The following ST3GAL1 variants were observed in gnomAD, a reference collection of about 807,000 sequenced individuals.
ST3GAL1 encodes the protein CMP-N-acetylneuraminate-beta-galactosamide-alpha-2,3-sialyltransferase 1.
A neutral mutation model predicts 34.1 loss-of-function variants in ST3GAL1; 16 were observed. That is an observed-to-expected ratio of 0.47 (90% CI 0.32 to 0.71). The LOEUF is 0.71. Ranked by LOEUF, ST3GAL1 falls within the 30% of genes least tolerant of loss-of-function variation. The pLI, the probability that ST3GAL1 is intolerant of heterozygous loss-of-function variation, is 0.04. For missense variants in ST3GAL1, 353 were observed against 447.4 expected (o/e 0.79, Z 1.90); for synonymous variants, 191 against 184.7 (o/e 1.03, Z -0.28).
chr8:133,517,779 C>T (rs1450348823), intron 2 of ST3GAL1, among the ~76,000 whole-genome samples: 1 of 152,354 alleles, frequency 6.6e-6, no homozygotes, highest in African/African-American at 2.4e-5. Context: ...AAAACAATTG[C>T]CCCACAGGCA....
chr8:133,474,351 C>G (rs1011399285), intron 5 of ST3GAL1, among the ~76,000 whole-genome samples: 1 of 152,232 alleles, frequency 6.6e-6, no homozygotes, highest in Admixed American at 6.5e-5. Context: ...AAAGGAAAGA[C>G]TCTATCTTTT....
chr8:133,535,088 A>G (rs533933644), intron 2 of ST3GAL1, among the ~76,000 whole-genome samples: 2 of 152,314 alleles, frequency 1.3e-5, no homozygotes, highest in African/African-American at 4.8e-5. Flanking sequence ...CGGGAGGAGG[A>G]GTCCCGGAAG....
intron 1 of ST3GAL1, among the ~76,000 whole-genome samples, chr8:133,558,979 G>A (rs1386150460): frequency 1.3e-5 from 2 of 151,974 alleles, no homozygotes; most frequent in Non-Finnish European, 2.9e-5. Flanking sequence ...CCAAAAAGCT[G>A]TGCATATCAG....
intron 2 of ST3GAL1, among the ~76,000 whole-genome samples, chr8:133,518,846 A>G (rs1817718823): frequency 1.3e-5 from 2 of 152,124 alleles, no homozygotes; most frequent in South Asian, 4.1e-4. Context: ...AGGCTCAGAG[A>G]GATTAAGGCC....
rs187221674 is a variant in ST3GAL1 at position 133,466,192 on chromosome 8, G to A, written c.307-102C>T. 5.7e-6 allele frequency: 7 copies of A among 1,225,610 alleles called. No homozygotes were observed. Among genetic ancestry groups the A allele is most frequent in the Non-Finnish European group, 7.9e-6 (7 of 885,416 alleles). The allele number at this position is 1,225,610 out of a possible 1,614,324, so 75.9% of individuals were successfully genotyped here. A position where few individuals can be genotyped will look rare whatever the true frequency, so the allele number is the denominator to read the frequency against. ...TGCTGTCGTTTACTGGGGCCCTCCT[G>A]TTCACCCTTCTCTCTGCTGGGCCCC... On this transcript the variant is annotated intron_variant, in intron 5 of 9. Transcript: ENST00000522652. The surrounding 1 kb of genome is among the most constrained non-coding windows in gnomAD (Gnocchi z 4.4).
chr8:133,478,703 C>T (rs1816272272), intron 3 of ST3GAL1, among the ~76,000 whole-genome samples: 1 of 152,194 alleles, frequency 6.6e-6, no homozygotes, highest in African/African-American at 2.4e-5. Context: ...CTGGTGCTGA[C>T]TCCTGGAGGA....
intron 3 of ST3GAL1, among the ~76,000 whole-genome samples, chr8:133,484,831 C>A (rs980557718): frequency 6.6e-6 from 1 of 152,164 alleles, no homozygotes; most frequent in African/African-American, 2.4e-5. Flanking sequence ...GTACTCCTGG[C>A]CTGATACCGC....
chr8:133,510,881 A>C (rs371300982), intron 2 of ST3GAL1, among the ~76,000 whole-genome samples: 172 of 152,290 alleles, frequency 1.1e-3, no homozygotes, highest in African/African-American at 3.5e-3. Flanking sequence ...ATCACAGGGG[A>C]AGGACAGGGA....
At chr8:133,519,939 G>C (rs191950429) in intron 2 of ST3GAL1, among the ~76,000 whole-genome samples, 228 of 152,298 alleles carry the variant, frequency 1.5e-3, no homozygotes, top group Non-Finnish European at 2.7e-3. Context: ...GAAAGAGTGA[G>C]ACTCTGTCTC....
intron 2 of ST3GAL1, among the ~76,000 whole-genome samples, chr8:133,513,797 G>T (rs1218362335): frequency 6.6e-6 from 1 of 152,096 alleles, no homozygotes; most frequent in Non-Finnish European, 1.5e-5. Context: ...TACTTGGGGG[G>T]CTGAGGGAGG....
intron 1 of ST3GAL1, among the ~76,000 whole-genome samples, chr8:133,562,209 CTTTTTT>C (rs35234056): frequency 1.8e-5 from 2 of 113,272 alleles, no homozygotes. Context: ...GAATCCACAT[CTTTTTT>C]TTTTTTTTTT....
rs201726358 is a variant in ST3GAL1, at chr8:133,540,920, CATATATATATAG to C, written c.-429+4842_-429+4853del. Among the ~76,000 whole-genome samples, 136 of 39,566 alleles carry C rather than the reference CATATATATATAG, an allele frequency of 3.4e-3. 1 individual carries two copies. The highest frequency in any genetic ancestry group is 0.013 in the East Asian group (12 of 914). 26.0% of individuals were successfully genotyped at this position (39,566 alleles called of 152,430 possible). A position where few individuals can be genotyped will look rare whatever the true frequency, so the allele number is the denominator to read the frequency against. Reference sequence around the variant, plus strand: ...ACATATATATAGACATATATATAGACATATATATATAGACATATATAGACATATATATAGACA... The same window carrying C: ...ACATATATATAGACATATATATAGACACATATATAGACATATATATAGACA... On this transcript the variant is annotated intron_variant, in intron 2 of 9. Transcript: ENST00000522652.
rs1035077391 is a variant in ST3GAL1 at position 133,473,359 on chromosome 8, T to C, written c.306+2360A>G. 8.5e-5 allele frequency among the ~76,000 whole-genome samples: 13 copies of C among 152,212 alleles called. 1 individual carries two copies. The highest frequency in any genetic ancestry group is 1.6e-4 in the Non-Finnish European group (11 of 68,038). ...TTCTGAGTTTCAGTTTCCTTGTCTG[T>C]AAAATGAGGACAAAGGCCCCCAAGT... On this transcript the variant is annotated intron_variant, in intron 5 of 9. Coordinates refer to ENST00000522652, the MANE Select transcript of ST3GAL1 (RefSeq NM_173344.3).
At chr8:133,495,839 T>C (rs1242101713) in intron 3 of ST3GAL1, among the ~76,000 whole-genome samples, 1 of 152,220 alleles carries the variant, frequency 6.6e-6, no homozygotes, top group Non-Finnish European at 1.5e-5. Context: ...TCATGCTGCT[T>C]TTGAACTGCG....
At chr8:133,500,767 C>T (rs1018620290) in intron 2 of ST3GAL1, among the ~76,000 whole-genome samples, 1 of 152,184 alleles carries the variant, frequency 6.6e-6, no homozygotes, top group African/African-American at 2.4e-5. Flanking sequence ...AGCCATGCTC[C>T]CTGAGGGCTG....
At chr8:133,548,865 A>G (rs1314529798) in intron 1 of ST3GAL1, among the ~76,000 whole-genome samples, 1 of 152,154 alleles carries the variant, frequency 6.6e-6, no homozygotes. Flanking sequence ...TGGCTATCAT[A>G]TGGGTGTAGG....
chr8:133,562,494 C>CTGTGG (rs1819256125), intron 1 of ST3GAL1, among the ~76,000 whole-genome samples: 2 of 152,168 alleles, frequency 1.3e-5, no homozygotes, highest in Non-Finnish European at 2.9e-5. Flanking sequence ...AGGTATGAGC[C>CTGTGG]ACAGGGCCTG....
At chr8:133,524,733 A>G (rs1045906400) in intron 2 of ST3GAL1, among the ~76,000 whole-genome samples, 5 of 152,246 alleles carry the variant, frequency 3.3e-5, no homozygotes, top group Admixed American at 3.3e-4. Context: ...CTGTGGCTGG[A>G]CCAGATGTAC....
intron 2 of ST3GAL1, among the ~76,000 whole-genome samples, chr8:133,518,728 C>T (rs1817715589): frequency 6.6e-6 from 1 of 152,204 alleles, no homozygotes; most frequent in South Asian, 2.1e-4. Flanking sequence ...TACATTTGCT[C>T]AGCAGTACTA....
Sources: allele counts gnomAD v4.1 joint callset (sites outside exome capture counted in the v4.1 genomes callset), GRCh38; gene constraint gnomAD v4.1.1; non-coding constraint Gnocchi (gnomAD v3.1); transcripts MANE v1.5; gene names NCBI Gene and HGNC (gene_info 2026-07-23, HGNC 2026-07-21).